Variants in NUDT7 observed in about 807,000 individuals in gnomAD.
NUDT7 encodes the protein nudix hydrolase 7, also known as peroxisomal coenzyme A diphosphatase NUDT7.
In NUDT7, 19 loss-of-function variants were observed where a neutral mutation model predicts 13.1. That is an observed-to-expected ratio of 1.45 (90% CI 1.01 to 2.13). The LOEUF is 2.13. Ranked by LOEUF, NUDT7 falls within the 30% of genes most tolerant of loss-of-function variation. The probability of loss-of-function intolerance (pLI) is 0.00; values close to 1 mark genes in which losing one functional copy is unlikely to be tolerated. For missense variants in NUDT7, 360 were observed against 291.7 expected, an observed-to-expected ratio of 1.23 and a Z score of -1.71; for synonymous variants, 132 against 109.7, an observed-to-expected ratio of 1.20 and a Z score of -1.27.
At chr16:77,729,420 C>G (rs1440446823) in intron 2 of NUDT7, among the ~76,000 whole-genome samples, 1 of 151,984 alleles carries the variant, frequency 6.6e-6, no homozygotes, top group Non-Finnish European at 1.5e-5. Context: ...CACACAATAC[C>G]TCACATAGTA....
At chr16:77,740,865 A>G (rs115056926) in intron 3 of NUDT7, among the ~76,000 whole-genome samples, 2,142 of 152,266 alleles carry the variant, frequency 0.014, 25 homozygotes, top group Non-Finnish European at 0.022. Context: ...TTCATTTGCA[A>G]GCAGTTGTGG....
chr16:77,736,017 C>T (rs572230956), intron 3 of NUDT7, 31 bp downstream of exon 3: 167 of 1,603,554 alleles, frequency 1.0e-4, no homozygotes, highest in South Asian at 6.4e-4. Context: ...TCATGAGCAC[C>T]GTCCCCACCC....
chr16:77,725,914 C>T (rs1340489661), intron 2 of NUDT7, among the ~76,000 whole-genome samples: 1 of 152,182 alleles, frequency 6.6e-6, no homozygotes, highest in Non-Finnish European at 1.5e-5. Flanking sequence ...CATCCTTGGC[C>T]TCTACCCACC....
At chr16:77,722,924 C>T (rs1166957602) in intron 1 of NUDT7, among the ~76,000 whole-genome samples, 1 of 152,148 alleles carries the variant, frequency 6.6e-6, no homozygotes, top group Non-Finnish European at 1.5e-5. Flanking sequence ...CCGACAGTGG[C>T]ACAGACCCGC....
Position 77,741,652 on chromosome 16 carries a change from A to AAGTT in NUDT7, c.421_424dup (p.Lys142SerfsTer2), listed in dbSNP as rs1272413454. ...TTCCAGGCCCAGCCGAATCCTGCTGAAGTTAAGGATGTATTCCTGGTGCCT... is the reference window on the plus strand; with the variant it reads ...TTCCAGGCCCAGCCGAATCCTGCTGAAGTTAGTTAAGGATGTATTCCTGGTGCCT... On this transcript the variant is annotated frameshift_variant, in exon 4 of 4. Transcript: ENST00000268533. LOFTEE classifies it low-confidence loss of function (END_TRUNC). 4 of 1,614,106 alleles carry AAGTT rather than the reference A, an allele frequency of 2.5e-6. No homozygotes were observed. The highest frequency in any genetic ancestry group is 3.4e-6 in the Non-Finnish European group (4 of 1,180,004).
chr16:77,728,607 A>G (rs2014216833), intron 2 of NUDT7, among the ~76,000 whole-genome samples: 2 of 152,282 alleles, frequency 1.3e-5, no homozygotes, highest in South Asian at 2.1e-4. Context: ...ACAGCGCCTC[A>G]TGTGCAAGGT....
At chr16:77,730,260 G>C (rs1395879386) in intron 2 of NUDT7, among the ~76,000 whole-genome samples, 4 of 151,868 alleles carry the variant, frequency 2.6e-5, no homozygotes, top group Admixed American at 2.0e-4. Context: ...TTTATCTTTT[G>C]ACCAACATCT....
chr16:77,734,590 C>T (rs921401806), intron 2 of NUDT7, among the ~76,000 whole-genome samples: 6 of 152,048 alleles, frequency 3.9e-5, no homozygotes, highest in Admixed American at 1.3e-4. Context: ...ACACTGCACT[C>T]CAGCGTGGGA....
At chr16:77,727,391 A>C (rs935400081) in intron 2 of NUDT7, among the ~76,000 whole-genome samples, 3 of 144,926 alleles carry the variant, frequency 2.1e-5, no homozygotes, top group African/African-American at 8.2e-5. Context: ...ACGTGGAAGT[A>C]GACTTGTGTG....
chr16:77,735,945 C>A lies in NUDT7; in HGVS notation c.307C>A (p.Gln103Lys), dbSNP rs1215554953. ...AQEEVGLRPH[Q>K]VEVVCCLVPC... ...GGAGGAAGTGGGTCTCCGTCCTCAC[C>A]AAGTGGAAGTTGTCTGCTGCCTGGT... The change falls in exon 3 of 4, where the codon CAA (glutamine) becomes AAA (lysine). Residue 103 changes from glutamine (Q) to lysine (K), a missense_variant. By Grantham distance (53) the Gln-to-Lys change is moderately conservative. Transcript: ENST00000268533. 4 of 1,614,050 alleles carry A rather than the reference C, an allele frequency of 2.5e-6. No individual in the cohort carries two copies. Among genetic ancestry groups the A allele is most frequent in the South Asian group, 1.1e-5 (1 of 91,074 alleles).
intron 2 of NUDT7, among the ~76,000 whole-genome samples, chr16:77,729,051 T>C (rs1414575746): frequency 6.6e-6 from 1 of 152,150 alleles, no homozygotes; most frequent in Non-Finnish European, 1.5e-5. Flanking sequence ...AGGCTGCAGC[T>C]TTACTTGGCC....
chr16:77,725,413 G>T lies in NUDT7; in HGVS notation c.36-18G>T, dbSNP rs2014098218. 6.2e-7 allele frequency: 1 copy of T among 1,601,880 alleles called. No individual in the cohort carries two copies. The highest frequency in any genetic ancestry group is 1.3e-5 in the African/African-American group (1 of 74,612). ...ACTCTGCTTGCTAAAATGTCTGTCTGGTTTGTTTTTATTTTAGAAACAGTT... is the reference window on the plus strand; with the variant it reads ...ACTCTGCTTGCTAAAATGTCTGTCTTGTTTGTTTTTATTTTAGAAACAGTT... On this transcript the variant is annotated intron_variant, in intron 1 of 3. Coordinates refer to ENST00000268533, the MANE Select transcript of NUDT7 (RefSeq NM_001105663.3).
At chr16:77,733,079 A>G (rs925502106) in intron 2 of NUDT7, among the ~76,000 whole-genome samples, 1 of 152,188 alleles carries the variant, frequency 6.6e-6, no homozygotes, top group African/African-American at 2.4e-5. Flanking sequence ...TATGGCAGCA[A>G]TTTCTGCAGT....
chr16:77,735,395 C>T, intron 2 of NUDT7: 3 of 585,848 alleles, frequency 5.1e-6, no homozygotes, highest in Non-Finnish European at 9.2e-6. Context: ...CCGCTCCAGC[C>T]ATGTGAAGTG....
intron 1 of NUDT7, 47 bp downstream of exon 1, chr16:77,722,664 C>T: frequency 6.4e-7 from 1 of 1,552,920 alleles, no homozygotes; most frequent in Non-Finnish European, 8.7e-7. Context: ...TCAGGCCCGG[C>T]CTTGATCGTA....
At chr16:77,738,357 G>A (rs2014554416) in intron 3 of NUDT7, among the ~76,000 whole-genome samples, 1 of 152,170 alleles carries the variant, frequency 6.6e-6, no homozygotes, top group African/African-American at 2.4e-5. Flanking sequence ...TCCTGGAACA[G>A]GAGATTTCTA....
intron 3 of NUDT7, 172 bp from the exon 4 acceptor site, chr16:77,741,410 G>C: frequency 1.7e-6 from 1 of 605,016 alleles, no homozygotes. Context: ...CTCAGGTAGA[G>C]CAGGATGACT....
intron 2 of NUDT7, among the ~76,000 whole-genome samples, chr16:77,726,338 G>A (rs1216444910): frequency 3.9e-5 from 6 of 152,180 alleles, no homozygotes; most frequent in Admixed American, 6.5e-5. Context: ...CAGGTACTTG[G>A]CAAGGAAGAA....
intron 3 of NUDT7, among the ~76,000 whole-genome samples, chr16:77,740,986 T>G (rs535361862): frequency 6.6e-6 from 1 of 152,248 alleles, no homozygotes; most frequent in Non-Finnish European, 1.5e-5. Flanking sequence ...GTATGTACTA[T>G]GAAATTTTTC....
Sources: gnomAD v4.1 joint callset for allele counts (sites outside exome capture counted in the v4.1 genomes callset) on GRCh38, gnomAD v4.1.1 for gene constraint, MANE v1.5 for transcripts, NCBI Gene and HGNC (gene_info 2026-07-23, HGNC 2026-07-21) for gene names.